Variants in PCDH15 observed in about 807,000 individuals in gnomAD.
PCDH15 encodes protocadherin-15.
In PCDH15, 129 loss-of-function variants were observed where a neutral mutation model predicts 178.5. That is an observed-to-expected ratio of 0.72 (90% CI 0.63 to 0.84). The LOEUF (loss-of-function observed/expected upper bound fraction) is 0.84. PCDH15 is among the 40% of genes least tolerant of loss of function. PCDH15 has a pLI of 0.00. For missense variants in PCDH15, 2,230 were observed against 2,099.9 expected, an observed-to-expected ratio of 1.06 and a Z score of -1.21; for synonymous variants, 800 against 732.0, an observed-to-expected ratio of 1.09 and a Z score of -1.50.
chr10:55,149,258 AAATAT>A (rs1838624319), intron 2 of PCDH15, among the ~76,000 whole-genome samples: 1 of 33,588 alleles, frequency 3.0e-5, no homozygotes, highest in Non-Finnish European at 8.0e-5. Flanking sequence ...AAATGTTAAT[AAATAT>A]TCAAATACTT....
At chr10:55,260,021 T>C (rs1014242457) in intron 1 of PCDH15, among the ~76,000 whole-genome samples, 1 of 151,056 alleles carries the variant, frequency 6.6e-6, no homozygotes, top group African/African-American at 2.4e-5. Context: ...AGATGGTTAA[T>C]GGTATAAGTT....
At chr10:54,967,457 A>AT (rs558193227) in intron 2 of PCDH15, among the ~76,000 whole-genome samples, 2 of 152,044 alleles carry the variant, frequency 1.3e-5, no homozygotes, top group East Asian at 3.8e-4. Flanking sequence ...AACAGTATTG[A>AT]TTTTTTTATA....
chr10:55,284,020 C>A (rs1038941531), intron 1 of PCDH15, among the ~76,000 whole-genome samples: 1 of 146,386 alleles, frequency 6.8e-6, no homozygotes, highest in Non-Finnish European at 1.5e-5. Context: ...TCAATCTTGA[C>A]TCTTAAGTCA....
chr10:54,874,429 A>G (rs1211236220), intron 3 of PCDH15, among the ~76,000 whole-genome samples: 3 of 151,402 alleles, frequency 2.0e-5, no homozygotes, highest in African/African-American at 7.3e-5. Context: ...GCTGCAATAA[A>G]CATACGTGTG....
chr10:55,203,251 A>G (rs1290697432), intron 1 of PCDH15, among the ~76,000 whole-genome samples: 1 of 152,014 alleles, frequency 6.6e-6, no homozygotes, highest in Non-Finnish European at 1.5e-5. Context: ...CATAAATTCT[A>G]CAACTTCCAT....
At chr10:55,183,347 A>G (rs1342720077) in intron 1 of PCDH15, among the ~76,000 whole-genome samples, 1 of 151,946 alleles carries the variant, frequency 6.6e-6, no homozygotes, top group Non-Finnish European at 1.5e-5. Context: ...CATATTGTAA[A>G]TTATCATTGA....
intron 3 of PCDH15, among the ~76,000 whole-genome samples, chr10:54,403,578 G>A (rs1244029493): frequency 6.6e-6 from 1 of 151,946 alleles, no homozygotes; most frequent in Non-Finnish European, 1.5e-5. Context: ...ACATAGTATT[G>A]GAAGTTCTGG....
chr10:54,040,430 C>T (rs2093517509), intron 18 of PCDH15, among the ~76,000 whole-genome samples: 1 of 151,964 alleles, frequency 6.6e-6, no homozygotes, highest in Non-Finnish European at 1.5e-5. Flanking sequence ...TACTTTCTGC[C>T]ATGATTGTGA....
intron 2 of PCDH15, among the ~76,000 whole-genome samples, chr10:54,551,055 C>T (rs968505240): frequency 3.5e-5 from 5 of 144,134 alleles, no homozygotes; most frequent in Admixed American, 2.2e-4. Flanking sequence ...CTAGAGTGGA[C>T]GAGGCAGGAG....
chr10:53,869,135 T>C (rs1438478775), intron 26 of PCDH15, among the ~76,000 whole-genome samples: 1 of 152,178 alleles, frequency 6.6e-6, no homozygotes, highest in East Asian at 1.9e-4. Context: ...GAGGACAAGC[T>C]CAAACTACCG....
intron 2 of PCDH15, among the ~76,000 whole-genome samples, chr10:54,578,008 A>C (rs1022663013): frequency 6.6e-6 from 1 of 152,198 alleles, no homozygotes; most frequent in African/African-American, 2.4e-5. Flanking sequence ...AAATTGTATA[A>C]CATTGATTCA....
intron 3 of PCDH15, among the ~76,000 whole-genome samples, chr10:54,510,289 A>T: frequency 6.6e-6 from 1 of 152,190 alleles, no homozygotes; most frequent in East Asian, 1.9e-4. Context: ...GAAAAGAGTG[A>T]TAGCCAAAGA....
intron 20 of PCDH15, among the ~76,000 whole-genome samples, chr10:54,001,483 C>A (rs896813451): frequency 6.6e-6 from 1 of 151,914 alleles, no homozygotes; most frequent in Non-Finnish European, 1.5e-5. Flanking sequence ...TCTGTTTATG[C>A]AAACAGTGTT....
intron 2 of PCDH15, among the ~76,000 whole-genome samples, chr10:54,961,975 G>A (rs996583120): frequency 2.0e-5 from 3 of 152,290 alleles, no homozygotes; most frequent in African/African-American, 7.2e-5. Flanking sequence ...CTACAGATAG[G>A]AGCAACCTAC....
At chr10:54,999,620 T>TGGGAGCCAGGAACA (rs1839746170) in intron 2 of PCDH15, among the ~76,000 whole-genome samples, 1 of 151,984 alleles carries the variant, frequency 6.6e-6, no homozygotes, top group Admixed American at 6.6e-5. Flanking sequence ...GCTTCAGAGA[T>TGGGAGCCAGGAACA]GGTGGGAGCC....
intron 26 of PCDH15, 32 bp from the exon 27 acceptor site, chr10:53,866,889 A>T (rs540586552): frequency 6.9e-6 from 10 of 1,453,352 alleles, no homozygotes; most frequent in Middle Eastern, 1.7e-4. Flanking sequence ...AGAGATTATA[A>T]TTAAGCAGGA....
At chr10:55,019,581 G>A (rs541737933) in intron 2 of PCDH15, among the ~76,000 whole-genome samples, 1 of 152,170 alleles carries the variant, frequency 6.6e-6, no homozygotes, top group East Asian at 1.9e-4. Flanking sequence ...CTGGGGCTAG[G>A]AGAATCACAC....
intron 3 of PCDH15, among the ~76,000 whole-genome samples, chr10:54,421,671 C>T (rs9416332): frequency 0.11 from 11,587 of 108,180 alleles, 974 homozygotes; most frequent in African/African-American, 0.18. Flanking sequence ...TGTATATATA[C>T]ATATATATAT....
chr10:54,571,944 T>A (rs1446860138), intron 2 of PCDH15, among the ~76,000 whole-genome samples: 1 of 152,098 alleles, frequency 6.6e-6, no homozygotes, highest in African/African-American at 2.4e-5. Context: ...GAACAGTGGT[T>A]AATGACAAAA....
Sources: allele counts gnomAD v4.1 joint callset (sites outside exome capture counted in the v4.1 genomes callset), GRCh38; gene constraint gnomAD v4.1.1; transcripts MANE v1.5; gene names NCBI Gene and HGNC (gene_info 2026-07-23, HGNC 2026-07-21).